The following CFAP70 variants were observed in gnomAD, a reference collection of about 807,000 sequenced individuals.
The protein encoded by CFAP70 is cilia- and flagella-associated protein 70.
In CFAP70, 81 loss-of-function variants were observed where a neutral mutation model predicts 137.6. That is an observed-to-expected ratio of 0.59 (90% CI 0.49 to 0.71). The LOEUF (loss-of-function observed/expected upper bound fraction) is 0.71. Ranked by LOEUF, CFAP70 falls within the 30% of genes least tolerant of loss-of-function variation. The pLI is 0.00. For missense variants in CFAP70, 976 were observed against 1,226.7 expected (o/e 0.80, Z 3.05); for synonymous variants, 382 against 423.6 (o/e 0.90, Z 1.20).
At chr10:73,304,917 G>A (rs1218830204) in intron 12 of CFAP70, among the ~76,000 whole-genome samples, 1 of 151,870 alleles carries the variant, frequency 6.6e-6, no homozygotes, top group African/African-American at 2.4e-5. Flanking sequence ...TGGGAAAAAA[G>A]GGTTTACAGT....
At chr10:73,308,709 A>C (rs1463048943) in intron 12 of CFAP70, among the ~76,000 whole-genome samples, 1 of 151,844 alleles carries the variant, frequency 6.6e-6, no homozygotes, top group East Asian at 1.9e-4. Flanking sequence ...CCAGTAACAG[A>C]AGACTTAAAA....
At chr10:73,290,763 GA>G (rs1048867215) in intron 19 of CFAP70, among the ~76,000 whole-genome samples, 1 of 151,882 alleles carries the variant, frequency 6.6e-6, no homozygotes, top group Non-Finnish European at 1.5e-5. Flanking sequence ...AGTGAGGGGG[GA>G]AAAATGAAAT....
intron 25 of CFAP70, among the ~76,000 whole-genome samples, chr10:73,268,288 A>G (rs1489752172): frequency 6.6e-6 from 1 of 152,180 alleles, no homozygotes; most frequent in Non-Finnish European, 1.5e-5. Flanking sequence ...CCAAAGGTAT[A>G]TGAGTCTTTT....
intron 9 of CFAP70, among the ~76,000 whole-genome samples, chr10:73,317,127 C>T (rs940392829): frequency 2.0e-5 from 3 of 152,146 alleles, no homozygotes; most frequent in Non-Finnish European, 2.9e-5. Flanking sequence ...CAGGAATTCT[C>T]CTGCCTCAGC....
intron 19 of CFAP70, among the ~76,000 whole-genome samples, chr10:73,279,952 A>G (rs1021455808): frequency 6.6e-6 from 1 of 152,152 alleles, no homozygotes; most frequent in Non-Finnish European, 1.5e-5. Context: ...AAAACTTACC[A>G]GTTTTCTCAA....
At chr10:73,322,190 A>C (rs917974012) in intron 9 of CFAP70, among the ~76,000 whole-genome samples, 4 of 152,218 alleles carry the variant, frequency 2.6e-5, no homozygotes, top group Non-Finnish European at 5.9e-5. Context: ...ATCAATTTTG[A>C]CATATGTGTA....
At chr10:73,340,375 C>T (rs966616304) in intron 6 of CFAP70, among the ~76,000 whole-genome samples, 8 of 152,338 alleles carry the variant, frequency 5.3e-5, no homozygotes, top group African/African-American at 1.9e-4. Context: ...TTTTTATAGG[C>T]TCCAGAGGGG....
At chr10:73,348,454 C>A in exon 4 of CFAP70, 2 of 1,565,088 alleles carry the variant, frequency 1.3e-6, no homozygotes, top group Non-Finnish European at 1.7e-6. Flanking sequence ...CCACCACAGC[C>A]TGACCAAGAA....
intron 4 of CFAP70, chr10:73,347,072 G>T (rs952834135): frequency 2.0e-5 from 3 of 152,202 alleles, no homozygotes; most frequent in African/African-American, 7.2e-5. Context: ...TCTATGTAAA[G>T]AGGGATTGGA....
intron 19 of CFAP70, among the ~76,000 whole-genome samples, chr10:73,289,823 A>G (rs1164061400): frequency 2.0e-5 from 3 of 152,030 alleles, no homozygotes; most frequent in Non-Finnish European, 4.4e-5. Flanking sequence ...AGGCAGGCAG[A>G]TTGCCTGAGG....
At chr10:73,289,156 T>TA (rs1201294619) in intron 19 of CFAP70, among the ~76,000 whole-genome samples, 16 of 152,096 alleles carry the variant, frequency 1.1e-4, no homozygotes, top group Admixed American at 1.0e-3. Flanking sequence ...GAATTGATTT[T>TA]ACAACAAAAA....
chr10:73,318,104 A>C (rs556058526), intron 9 of CFAP70, among the ~76,000 whole-genome samples: 1 of 152,230 alleles, frequency 6.6e-6, no homozygotes, highest in East Asian at 1.9e-4. Context: ...ATCATCTTTC[A>C]TGCATTCTTG....
chr10:73,313,707 G>A (rs540597743), intron 9 of CFAP70, among the ~76,000 whole-genome samples: 1 of 152,188 alleles, frequency 6.6e-6, no homozygotes, highest in Admixed American at 6.5e-5. Context: ...GCCGGGTGTG[G>A]TTGCATGCAG....
At chr10:73,322,452 C>T (rs2050949642) in intron 9 of CFAP70, among the ~76,000 whole-genome samples, 1 of 151,678 alleles carries the variant, frequency 6.6e-6, no homozygotes, top group South Asian at 2.1e-4. Context: ...TGGTGCACAT[C>T]TGTAGTCCCA....
At chr10:73,329,990 G>A (rs1018600410) in intron 8 of CFAP70, among the ~76,000 whole-genome samples, 10 of 152,130 alleles carry the variant, frequency 6.6e-5, no homozygotes, top group African/African-American at 2.4e-4. Flanking sequence ...TGAAGAACAT[G>A]TTAATAAATA....
In CFAP70 at chr10:73,296,918, C is replaced by T. The variant is rs12261780; in HGVS notation, c.1644+124G>A. 3,739 of 1,151,986 alleles carry T rather than the reference C, an allele frequency of 3.2e-3. 53 individuals carry two copies. In the African/African-American group the frequency reaches 0.034, roughly 11 times the overall value. The allele number at this position is 1,151,986 out of a possible 1,614,324, so 71.4% of individuals were successfully genotyped here. A position where few individuals can be genotyped will look rare whatever the true frequency, so the allele number is the denominator to read the frequency against. On this transcript the variant is annotated intron_variant, in intron 15 of 26. Coordinates refer to ENST00000310715, the Ensembl canonical transcript of CFAP70. ...AGTTTCTTACTCATCTTTGTGTTTT[C>T]AGTGCCTAGCACAGAGCAGACACTT...
At chr10:73,354,579 T>C (rs1225726201) in intron 2 of CFAP70, among the ~76,000 whole-genome samples, 155 bp downstream of exon 2, 1 of 152,198 alleles carries the variant, frequency 6.6e-6, no homozygotes, top group Non-Finnish European at 1.5e-5. Flanking sequence ...GTAATGTGAC[T>C]TGGAGATTAA....
chr10:73,327,553 T>C (rs1485578428), intron 8 of CFAP70, among the ~76,000 whole-genome samples: 1 of 151,864 alleles, frequency 6.6e-6, no homozygotes, highest in Non-Finnish European at 1.5e-5. Context: ...AAATTGTCCC[T>C]GTTTGCAGAT....
chr10:73,284,526 C>A (rs2047498738), intron 19 of CFAP70, among the ~76,000 whole-genome samples: 1 of 151,392 alleles, frequency 6.6e-6, no homozygotes, highest in Non-Finnish European at 1.5e-5. Context: ...TTTAAGTTTG[C>A]CATTTTAGTA....
Sources: gnomAD v4.1 joint callset for allele counts (sites outside exome capture counted in the v4.1 genomes callset) on GRCh38, gnomAD v4.1.1 for gene constraint, MANE v1.5 for transcripts, NCBI Gene and HGNC (gene_info 2026-07-23, HGNC 2026-07-21) for gene names.